PRKG1: variants seen among roughly 807,000 people sequenced by gnomAD.
PRKG1 encodes the protein cGMP-dependent protein kinase 1.
In PRKG1, 35 loss-of-function variants were observed where a neutral mutation model predicts 88.1. The ratio of observed to expected loss-of-function variants is 0.40; its 90% CI spans 0.30 to 0.53. PRKG1 has a LOEUF of 0.53. Among genes scored for constraint, PRKG1 ranks in the 20% least tolerant of loss-of-function variants. The pLI is 0.59. For missense variants in PRKG1, 540 were observed against 839.8 expected, an observed-to-expected ratio of 0.64 and a Z score of 4.41; for synonymous variants, 303 against 292.5, an observed-to-expected ratio of 1.04 and a Z score of -0.37.
chr10:51,704,420 T>G (rs1414287612), intron 3 of PRKG1, among the ~76,000 whole-genome samples: 1 of 152,204 alleles, frequency 6.6e-6, no homozygotes, highest in Non-Finnish European at 1.5e-5. Flanking sequence ...GGACGGAGCC[T>G]GTGGCATTGA....
At chr10:52,191,414 C>T (rs1011841325) in intron 9 of PRKG1, among the ~76,000 whole-genome samples, 4 of 151,984 alleles carry the variant, frequency 2.6e-5, no homozygotes, top group Non-Finnish European at 5.9e-5. Flanking sequence ...GCAATCCACC[C>T]GCCTTGGCCT....
At chr10:51,261,594 T>G (rs531341117) in intron 2 of PRKG1, among the ~76,000 whole-genome samples, 1 of 152,312 alleles carries the variant, frequency 6.6e-6, no homozygotes, top group African/African-American at 2.4e-5. Context: ...CAGGTAAAGA[T>G]CAAGTTTTGT....
At chr10:51,556,382 T>C (rs1185472066) in intron 3 of PRKG1, among the ~76,000 whole-genome samples, 1 of 150,698 alleles carries the variant, frequency 6.6e-6, no homozygotes, top group Non-Finnish European at 1.5e-5. Flanking sequence ...AAATAATTTT[T>C]CATAAAATTT....
chr10:51,438,995 A>G (rs1158028067), intron 2 of PRKG1, among the ~76,000 whole-genome samples: 1 of 144,168 alleles, frequency 6.9e-6, no homozygotes, highest in Non-Finnish European at 1.6e-5. Context: ...CCAACAACTA[A>G]TTGGGATTTT....
chr10:51,065,961 GT>G (rs1035667810), intron 1 of PRKG1, among the ~76,000 whole-genome samples: 11 of 151,982 alleles, frequency 7.2e-5, no homozygotes, highest in East Asian at 5.8e-4. Context: ...ATCAGAGAGA[GT>G]TTTTTTAGGG....
At chr10:51,480,806 G>A (rs940254488) in intron 3 of PRKG1, among the ~76,000 whole-genome samples, 2 of 152,146 alleles carry the variant, frequency 1.3e-5, no homozygotes, top group African/African-American at 4.8e-5. Context: ...CTAAATAAAT[G>A]TGGCCATGAG....
At chr10:52,136,312 T>G (rs980604950) in intron 8 of PRKG1, among the ~76,000 whole-genome samples, 35 of 152,070 alleles carry the variant, frequency 2.3e-4, no homozygotes, top group African/African-American at 8.2e-4. Context: ...CATATATATG[T>G]ATTTTTGATT....
intron 1 of PRKG1, among the ~76,000 whole-genome samples, chr10:51,152,870 A>G (rs1846108011): frequency 6.6e-6 from 1 of 151,972 alleles, no homozygotes; most frequent in African/African-American, 2.4e-5. Flanking sequence ...CTTTGTGATT[A>G]AGAAAAAGTC....
At chr10:51,249,180 G>A (rs988495315) in intron 2 of PRKG1, among the ~76,000 whole-genome samples, 3 of 151,562 alleles carry the variant, frequency 2.0e-5, no homozygotes, top group African/African-American at 7.3e-5. Context: ...CAAAAAACTA[G>A]GGGCAAAAAA....
intron 3 of PRKG1, among the ~76,000 whole-genome samples, chr10:51,632,624 G>C (rs10508949): frequency 0.15 from 22,759 of 152,158 alleles, 1,938 homozygotes; most frequent in Non-Finnish European, 0.2. Flanking sequence ...TTCTTTCACT[G>C]TAAGGTGTTT....
chr10:51,624,323 T>C (rs569162766), intron 3 of PRKG1, among the ~76,000 whole-genome samples: 2 of 152,194 alleles, frequency 1.3e-5, no homozygotes, highest in Non-Finnish European at 1.5e-5. Flanking sequence ...GGACCCTGTT[T>C]TCTTGAGGAG....
At chr10:51,248,610 G>A (rs1254586233) in intron 2 of PRKG1, among the ~76,000 whole-genome samples, 1 of 151,706 alleles carries the variant, frequency 6.6e-6, no homozygotes, top group Non-Finnish European at 1.5e-5. Flanking sequence ...TTTATGATGA[G>A]AAAACTCTGA....
At chr10:51,914,793 T>C (rs1842302200) in intron 5 of PRKG1, among the ~76,000 whole-genome samples, 1 of 152,242 alleles carries the variant, frequency 6.6e-6, no homozygotes. Context: ...ATGGTGCACT[T>C]ATGTACGTTA....
chr10:51,203,583 T>C (rs898664849), intron 2 of PRKG1, among the ~76,000 whole-genome samples: 1 of 152,164 alleles, frequency 6.6e-6, no homozygotes, highest in Non-Finnish European at 1.5e-5. Flanking sequence ...TCCCCTGTAA[T>C]ACCCTCAAAC....
At chr10:52,177,046 G>C (rs1838885444) in intron 9 of PRKG1, among the ~76,000 whole-genome samples, 1 of 151,900 alleles carries the variant, frequency 6.6e-6, no homozygotes, top group African/African-American at 2.4e-5. Context: ...AGGACTTCCA[G>C]TACTACGTTG....
chr10:51,510,910 T>TTA lies in PRKG1; in HGVS notation c.592+43075_592+43076insAT, dbSNP rs1475920461. ...AGGCGCCCACCACCACACCAGCTTATTTTTTTTTTTTTTTGTATTTTTAGT... is the reference window on the plus strand; with the variant it reads ...AGGCGCCCACCACCACACCAGCTTATTATTTTTTTTTTTTTTGTATTTTTAGT... On this transcript the variant is annotated intron_variant, in intron 3 of 17. Coordinates refer to ENST00000373980, the MANE Select transcript of PRKG1 (RefSeq NM_006258.4). Among the ~76,000 whole-genome samples the TTA allele has an allele frequency of 5.0e-3, 484 of 96,256 alleles. 4 individuals are homozygous for TTA. The highest frequency in any genetic ancestry group is 0.038 in the African/African-American group (471 of 12,322). The allele number at this position is 96,256 out of a possible 152,430, so 63.1% of individuals were successfully genotyped here. A position where few individuals can be genotyped will look rare whatever the true frequency, so the allele number is the denominator to read the frequency against.
chr10:52,286,633 T>C (rs1386700177), intron 14 of PRKG1, among the ~76,000 whole-genome samples: 1 of 151,998 alleles, frequency 6.6e-6, no homozygotes, highest in Non-Finnish European at 1.5e-5. Flanking sequence ...GGTATAACTA[T>C]AGGTATACTT....
intron 3 of PRKG1, among the ~76,000 whole-genome samples, chr10:51,548,296 C>T (rs1842491324): frequency 6.6e-6 from 1 of 152,090 alleles, no homozygotes; most frequent in Non-Finnish European, 1.5e-5. Flanking sequence ...ATGTCTTGAT[C>T]TGAGCCCATC....
chr10:51,966,767 C>G (rs1176534766), intron 5 of PRKG1, among the ~76,000 whole-genome samples: 2 of 152,164 alleles, frequency 1.3e-5, no homozygotes, highest in African/African-American at 4.8e-5. Flanking sequence ...CCTTTAGAAG[C>G]CTCTGCTCTT....
Sources: gnomAD v4.1 joint callset for allele counts (sites outside exome capture counted in the v4.1 genomes callset) on GRCh38, gnomAD v4.1.1 for gene constraint, MANE v1.5 for transcripts, NCBI Gene and HGNC (gene_info 2026-07-23, HGNC 2026-07-21) for gene names.